Variants in CELSR3 observed in about 807,000 individuals in gnomAD.
The protein encoded by CELSR3 is EGF-like protein 1.
Under a neutral mutation model 270.0 loss-of-function variants are expected in CELSR3, and 73 were observed. The ratio of observed to expected loss-of-function variants is 0.27; its 90% confidence interval spans 0.22 to 0.33. The LOEUF is 0.33. CELSR3 is among the 10% of genes least tolerant of loss of function. CELSR3 has a pLI of 1.00. For synonymous variants in CELSR3, 1,780 were observed against 1,905.4 expected, an observed-to-expected ratio of 0.93 and a Z score of 1.71; for missense variants, 3,614 against 4,533.8, an observed-to-expected ratio of 0.80 and a Z score of 5.83.
Position 48,659,115 on chromosome 3 carries a change from T to C in CELSR3, c.3520A>G (p.Ile1174Val). The C allele has an allele frequency of 6.2e-7, 1 of 1,614,116 alleles. No homozygotes were observed. Among genetic ancestry groups the C allele is most frequent in the Non-Finnish European group, 8.5e-7 (1 of 1,180,024 alleles). ...DNSPVLNNFQ[I>V]LFNNYVSNRS... ...TTGGATACATAGTTGTTGAAGAGGA[T>C]CTGGAAGTTGTTGAGCACAGGGCTG... Residue 1174 changes from isoleucine (I) to valine (V), a missense_variant, in exon 1 of 35, where the codon ATC becomes GTC. Coordinates refer to ENST00000164024, the MANE Select transcript of CELSR3 (RefSeq NM_001407.3). The surrounding 1 kb of genome is among the most constrained non-coding windows in gnomAD (Gnocchi z 8.1).
chr3:48,660,106 A>G lies in CELSR3; in HGVS notation c.2529T>C (p.Tyr843=), dbSNP rs1167145784. 6.2e-7 allele frequency: 1 copy of G among 1,614,082 alleles called. No homozygotes were observed. Among genetic ancestry groups the G allele is most frequent in the Admixed American group, 1.7e-5 (1 of 60,006 alleles). ...ASDRALHDHC[Y]VHINITDANT... ...TGGCATCTGTGATGTTGATGTGCACATAGCAGTGATCATGAAGGGCACGGT... is the reference window on the plus strand; with the variant it reads ...TGGCATCTGTGATGTTGATGTGCACGTAGCAGTGATCATGAAGGGCACGGT... Residue 843 remains tyrosine, a synonymous_variant, in exon 1 of 35, where the codon TAT becomes TAC. Coordinates refer to ENST00000164024, the MANE Select transcript of CELSR3 (RefSeq NM_001407.3). This position sits in a 1 kb window ranked among gnomAD's most constrained non-coding sequence, Gnocchi z 5.5.
chr3:48,649,124 C>T lies in CELSR3; in HGVS notation c.6564G>A (p.Leu2188=). The part of the protein sequence containing the change: ...CTSPAFRELS[L]LLDGLELNKT... ...GAAAAGGTCTGGGCAGTCTCACCAG[C>T]AGACTGAGCTCTCGAAAGGCAGGGG... Residue 2188 remains leucine, a synonymous_variant, in exon 17 of 35, where the codon CTG becomes CTA. Transcript: ENST00000164024. The T allele has an allele frequency of 1.2e-6, 2 of 1,611,338 alleles. No homozygotes were observed. The highest frequency in any genetic ancestry group is 8.5e-7 in the Non-Finnish European group (1 of 1,178,908).
Position 48,648,895 on chromosome 3 carries a change from C to G in CELSR3, c.6601G>C (p.Asp2201His). Residue 2201 changes from aspartate (D) to histidine (H), a missense_variant, in exon 18 of 35, where the codon GAT (aspartate) becomes CAT (histidine). By Grantham distance (81) the Asp-to-His change is moderately conservative. Transcript: ENST00000164024. ...GCCAGCTTCTTGGCCTCCATGGTAT[C>G]CAGTGCCGTCTTGTTCAGCTCTAGG... is the stretch of plus-strand genomic sequence containing the variant. ...DGLELNKTAL[D>H]TMEAKKLAQR... is the part of the protein sequence containing the mutation. 1 of 1,612,870 alleles carries G rather than the reference C, an allele frequency of 6.2e-7. No homozygotes were observed. Among genetic ancestry groups the G allele is most frequent in the East Asian group, 2.2e-5 (1 of 44,878 alleles).
At chr3:48,649,408 G>C (rs2047117042) in intron 16 of CELSR3, among the ~76,000 whole-genome samples, 193 bp from the exon 17 acceptor site, 1 of 152,230 alleles carries the variant, frequency 6.6e-6, no homozygotes, top group Admixed American at 6.5e-5. Flanking sequence ...ATTCCTGAGA[G>C]GGCTGTAGAC....
Position 48,642,749 on chromosome 3 carries a change from G to A in CELSR3, c.8542C>T (p.Arg2848Cys), listed in dbSNP as rs202210118. Residue 2848 changes from arginine (R) to cysteine (C), a missense_variant, in exon 30 of 35, where the codon CGC becomes TGC. By Grantham distance (180) the Arg-to-Cys change is radical. Coordinates refer to ENST00000164024, the MANE Select transcript of CELSR3 (RefSeq NM_001407.3). The surrounding 1 kb of genome is among the most constrained non-coding windows in gnomAD (Gnocchi z 6.1). ...TCTTCCTCTCACCTGAGGTAGCTGC[G>A]GCCCCGCTGGCTGTCCTGGTCCTGG... Reference protein sequence around the residue: ...RTQDQDSQRGRSYLRDNVLVR... With the variant: ...RTQDQDSQRGCSYLRDNVLVR... 3.1e-5 allele frequency: 50 copies of A among 1,610,744 alleles called. No homozygotes were observed. Among genetic ancestry groups the A allele is most frequent in the African/African-American group, 2.7e-5 (2 of 74,890 alleles).
chr3:48,651,278 C>G lies in CELSR3; in HGVS notation c.6186+81G>C, dbSNP rs746882523. On this transcript the variant is annotated intron_variant, in intron 14 of 34. Coordinates refer to ENST00000164024, the MANE Select transcript of CELSR3 (RefSeq NM_001407.3). This position sits in a 1 kb window ranked among gnomAD's most constrained non-coding sequence, Gnocchi z 7.4. ...ACAGGCAAGAGGTTAGGGCCCAAGTCAGGTGGCGGAGGTCAGCAAGCTGGA... is the reference window on the plus strand; with the variant it reads ...ACAGGCAAGAGGTTAGGGCCCAAGTGAGGTGGCGGAGGTCAGCAAGCTGGA... The G allele has an allele frequency of 3.0e-5, 47 of 1,584,442 alleles. 1 individual carries two copies. The highest frequency in any genetic ancestry group is 1.4e-4 in the Admixed American group (8 of 59,018).
chr3:48,661,609 G>C lies in CELSR3; in HGVS notation c.1026C>G (p.Thr342=), dbSNP rs998735704. Residue 342 remains threonine (T), a synonymous_variant, in exon 1 of 35, where the codon ACC becomes ACG. Transcript: ENST00000164024. ...TLVPENEAAG[T]AVLRVVAQDP... ...CCTGAGCAACCACGCGTAGCACCGC[G>C]GTGCCTGCTGCCTCATTCTCCGGCA... The C allele has an allele frequency of 6.2e-7, 1 of 1,608,882 alleles. No homozygotes were observed. The highest frequency in any genetic ancestry group is 8.5e-7 in the Non-Finnish European group (1 of 1,178,178).
Position 48,639,608 on chromosome 3 carries a change from G to T in CELSR3, c.9911+66C>A, listed in dbSNP as rs2047003234. On this transcript the variant is annotated intron_variant, in intron 34 of 34. Coordinates refer to ENST00000164024, the MANE Select transcript of CELSR3 (RefSeq NM_001407.3). The surrounding 1 kb of genome is among the most constrained non-coding windows in gnomAD (Gnocchi z 4.1). ...CATCCCCTTCTGTGGCAGAACACAG[G>T]GCAGGGCACACAGGAGGTTGCCCTA... 1 of 1,573,116 alleles carries T rather than the reference G, an allele frequency of 6.4e-7. No homozygotes were observed.
rs570243000 is a variant in CELSR3 at position 48,646,325 on chromosome 3, C to A, written c.7296-68G>T. The A allele has an allele frequency of 6.7e-7, 1 of 1,495,950 alleles. No individual in the cohort carries two copies. Among genetic ancestry groups the A allele is most frequent in the Non-Finnish European group, 9.0e-7 (1 of 1,108,248 alleles). 92.7% of individuals were successfully genotyped at this position (1,495,950 alleles called of 1,614,324 possible). A position where few individuals can be genotyped will look rare whatever the true frequency, so the allele number is the denominator to read the frequency against. On this transcript the variant is annotated intron_variant, in intron 21 of 34. Transcript: ENST00000164024. The surrounding 1 kb of genome is among the most constrained non-coding windows in gnomAD (Gnocchi z 4.8). ...CATGCTCAGCCTGCTTGCCTCACCC[C>A]GTCTTCATGCCACTCGCCAGGGCTG...
Position 48,660,704 on chromosome 3 carries a change from A to T in CELSR3, c.1931T>A (p.Ile644Asn). ...GACAAAAATAGGAATGTGGTCATTG[A>T]TGTCCACCACCTGGATGCTGGCCAG... ...TGLASIQVVDINDHIPIFVST... is the reference protein window; with the variant it reads ...TGLASIQVVDNNDHIPIFVST... The change falls in exon 1 of 35, where the codon ATC becomes AAC. Residue 644 changes from isoleucine to asparagine, a missense_variant. Physicochemically the swap from Ile to Asn is moderately radical, Grantham distance 149. Around this residue, in one of 7 missense-constraint regions of CELSR3, gnomAD observed 354 missense variants for 500.9 expected, o/e 0.71. Transcript: ENST00000164024. This position sits in a 1 kb window ranked among gnomAD's most constrained non-coding sequence, Gnocchi z 5.5. 1.2e-6 allele frequency: 2 copies of T among 1,614,096 alleles called. No homozygotes were observed. Among genetic ancestry groups the T allele is most frequent in the Non-Finnish European group, 8.5e-7 (1 of 1,180,048 alleles).
In CELSR3 at chr3:48,662,580, G is replaced by A. The variant is rs2077077896; in HGVS notation, c.55C>T (p.Leu19Phe). The A allele has an allele frequency of 2.6e-6, 4 of 1,531,572 alleles. No homozygotes were observed. The highest frequency in any genetic ancestry group is 3.5e-6 in the Non-Finnish European group (4 of 1,137,398). 94.9% of individuals were successfully genotyped at this position (1,531,572 alleles called of 1,614,324 possible). The change falls in exon 1 of 35, where the codon CTC becomes TTC. Residue 19 changes from leucine to phenylalanine, a missense_variant. This residue lies in a region of CELSR3 where 470 missense variants were observed against 469.7 expected (regional missense o/e 1.00). Coordinates refer to ENST00000164024, the MANE Select transcript of CELSR3 (RefSeq NM_001407.3). The surrounding 1 kb of genome is among the most constrained non-coding windows in gnomAD (Gnocchi z 7.1). ...RGLGGRSTPI[L>F]LLLLLSLFPL... ...AACAAAGAGAGGAGAAGGAGCAGGAGTATGGGGGTCGACCGTCCCCCGAGG... is the reference window on the plus strand; with the variant it reads ...AACAAAGAGAGGAGAAGGAGCAGGAATATGGGGGTCGACCGTCCCCCGAGG...
In CELSR3 at chr3:48,645,440, C is replaced by T; in HGVS notation, c.7797+3G>A. 3 of 1,612,920 alleles carry T rather than the reference C, an allele frequency of 1.9e-6. No homozygotes were observed. Among genetic ancestry groups the T allele is most frequent in the Non-Finnish European group, 2.5e-6 (3 of 1,180,002 alleles). ...CACAAGTTCCCTGGCCCTGATCCTG[C>T]ACCTGATTGTGGGTCCTGTGAATCC... On this transcript the variant is annotated splice_donor_region_variant and intron_variant, in intron 24 of 34. Coordinates refer to ENST00000164024, the MANE Select transcript of CELSR3 (RefSeq NM_001407.3). The surrounding 1 kb of genome is among the most constrained non-coding windows in gnomAD (Gnocchi z 5.4).
chr3:48,656,583 C>G, intron 2 of CELSR3, 115 bp downstream of exon 2: 2 of 1,336,544 alleles, frequency 1.5e-6, no homozygotes, highest in Non-Finnish European at 2.0e-6. Flanking sequence ...CTGGCCTAAG[C>G]GCGTCCATAC....
chr3:48,651,587 A>G lies in CELSR3; in HGVS notation c.6055T>C (p.Cys2019Arg). The change falls in exon 13 of 35, where the codon TGT (cysteine) becomes CGT (arginine). Residue 2019 changes from cysteine (C) to arginine (R), a missense_variant. By Grantham distance (180) the Cys-to-Arg change is radical. This residue lies in a region of CELSR3 where 1,331 missense variants were observed against 1,933.7 expected (regional missense o/e 0.69). Coordinates refer to ENST00000164024, the MANE Select transcript of CELSR3 (RefSeq NM_001407.3). The surrounding 1 kb of genome is among the most constrained non-coding windows in gnomAD (Gnocchi z 7.4). ...DCVGGYFGHH[C>R]EHRMDQQCPR... Reference sequence around the variant, plus strand: ...GCCCCAGCCTCTTACCTGTGCTCACAGTGGTGCCCGAAATAGCCACCCACA... The same window carrying G: ...GCCCCAGCCTCTTACCTGTGCTCACGGTGGTGCCCGAAATAGCCACCCACA... The G allele has an allele frequency of 6.3e-7, 1 of 1,576,050 alleles. No homozygotes were observed. Among genetic ancestry groups the G allele is most frequent in the East Asian group, 2.3e-5 (1 of 44,422 alleles).
Position 48,645,036 on chromosome 3 carries a change from C to A in CELSR3, c.7971G>T (p.Leu2657=). The part of the protein sequence containing the change: ...ALGWGVPAVL[L]GLAVGLDPEG... The stretch of plus-strand genomic sequence containing the variant: ...GAGGTTGGGGGTCACAGCCCTCACC[C>A]AGCAGCACAGCAGGGACGCCCCAGC... Residue 2657 remains leucine (L), a splice_region_variant and synonymous_variant, in exon 25 of 35, where the codon CTG becomes CTT. Coordinates refer to ENST00000164024, the MANE Select transcript of CELSR3 (RefSeq NM_001407.3). This position sits in a 1 kb window ranked among gnomAD's most constrained non-coding sequence, Gnocchi z 5.4. 1 of 1,575,456 alleles carries A rather than the reference C, an allele frequency of 6.3e-7. No individual in the cohort carries two copies.
Position 48,654,233 on chromosome 3 carries a change from C to A in CELSR3, c.5152+56G>T. 1 of 1,604,364 alleles carries A rather than the reference C, an allele frequency of 6.2e-7. No individual in the cohort carries two copies. The highest frequency in any genetic ancestry group is 1.1e-5 in the South Asian group (1 of 90,218). ...AAGTCAGGTATGGAGTCCTCCACTT[C>A]CTCCCTATGATGGGGACAGGGCCAT... On this transcript the variant is annotated intron_variant, in intron 7 of 34. Transcript: ENST00000164024. This position sits in a 1 kb window ranked among gnomAD's most constrained non-coding sequence, Gnocchi z 5.4.
chr3:48,639,559 A>C lies in CELSR3; in HGVS notation c.9911+115T>G. 6 of 1,390,180 alleles carry C rather than the reference A, an allele frequency of 4.3e-6. No homozygotes were observed. The highest frequency in any genetic ancestry group is 4.9e-6 in the Non-Finnish European group (5 of 1,016,904). The allele number at this position is 1,390,180 out of a possible 1,614,324, so 86.1% of individuals were successfully genotyped here. On this transcript the variant is annotated intron_variant, in intron 34 of 34. Transcript: ENST00000164024. The surrounding 1 kb of genome is among the most constrained non-coding windows in gnomAD (Gnocchi z 4.1). ...CCTCTGGCTGTGCTGAGCCTGGGGT[A>C]GCCCACACCTGTCTGCCAGCCCTCA... is the stretch of plus-strand genomic sequence containing the variant.
chr3:48,644,588 G>C lies in CELSR3; in HGVS notation c.8085+128C>G, dbSNP rs1000301493. 3 of 764,168 alleles carry C rather than the reference G, an allele frequency of 3.9e-6. No individual in the cohort carries two copies. The highest frequency in any genetic ancestry group is 1.8e-5 in the African/African-American group (1 of 57,006). The allele number at this position is 764,168 out of a possible 1,614,324, so 47.3% of individuals were successfully genotyped here. ...GGGGGTGGCTACTGACCAGAGGACAGAAAAAATGAAGGCCGAGCCCAGGAA... is the reference window on the plus strand; with the variant it reads ...GGGGGTGGCTACTGACCAGAGGACACAAAAAATGAAGGCCGAGCCCAGGAA... On this transcript the variant is annotated intron_variant, in intron 26 of 34. Transcript: ENST00000164024. The surrounding 1 kb of genome is among the most constrained non-coding windows in gnomAD (Gnocchi z 4.8).
rs1180982593 is a variant in CELSR3 at position 48,644,193 on chromosome 3, C to T, written c.8165+23G>A. 1 of 1,597,182 alleles carries T rather than the reference C, an allele frequency of 6.3e-7. No homozygotes were observed. The highest frequency in any genetic ancestry group is 8.6e-7 in the Non-Finnish European group (1 of 1,166,880). On this transcript the variant is annotated intron_variant, in intron 27 of 34. Coordinates refer to ENST00000164024, the MANE Select transcript of CELSR3 (RefSeq NM_001407.3). The surrounding 1 kb of genome is among the most constrained non-coding windows in gnomAD (Gnocchi z 4.8). ...GGGACCTGCCATCCTGAGAAGCCCC[C>T]TTCCTCCAGCCAGCCAACTCACAGT...
Sources: allele counts gnomAD v4.1 joint callset (sites outside exome capture counted in the v4.1 genomes callset), GRCh38; gene constraint gnomAD v4.1.1; regional missense constraint gnomAD v4.1.1; non-coding constraint Gnocchi (gnomAD v3.1); transcripts MANE v1.5; gene names NCBI Gene and HGNC (gene_info 2026-07-23, HGNC 2026-07-21).